Variants in PCOLCE observed in about 807,000 individuals in gnomAD.
The protein encoded by PCOLCE is procollagen C-endopeptidase enhancer 1.
In PCOLCE, 33 loss-of-function variants were observed where a neutral mutation model predicts 47.2. The observed-to-expected ratio is 0.70, with a 90% confidence interval of 0.53 to 0.93. The LOEUF is 0.93. Among genes scored for constraint, PCOLCE ranks in the 40% least tolerant of loss-of-function variants. The probability of loss-of-function intolerance (pLI) is 0.00; values close to 1 mark genes in which losing one functional copy is unlikely to be tolerated. For synonymous variants in PCOLCE, 254 were observed against 252.5 expected (o/e 1.01, Z -0.06); for missense variants, 584 against 585.3 (o/e 1.00, Z 0.02).
rs1364978728 is a variant in PCOLCE at position 100,606,553 on chromosome 7, G to A, written c.863G>A (p.Arg288Gln). ...GAAGGGCAAGGGCCCGGCCCCAAAC[G>A]GGGAACTGAGCCTAAAGTCAAGCTG... Reference protein sequence around the residue: ...AKEGQGPGPKRGTEPKVKLPP... With the variant: ...AKEGQGPGPKQGTEPKVKLPP... Residue 288 changes from arginine to glutamine, a missense_variant, in exon 6 of 9, where the codon CGG (arginine) becomes CAG (glutamine). Coordinates refer to ENST00000223061, the MANE Select transcript of PCOLCE (RefSeq NM_002593.4). 5.0e-6 allele frequency: 8 copies of A among 1,614,192 alleles called. No homozygotes were observed. The highest frequency in any genetic ancestry group is 1.1e-5 in the South Asian group (1 of 91,088).
In PCOLCE at chr7:100,606,442, T is replaced by A. The variant is rs750234727; in HGVS notation, c.752T>A (p.Leu251His). The change falls in exon 6 of 9, where the codon CTC becomes CAC. Residue 251 changes from leucine to histidine, a missense_variant. Physicochemically the swap from Leu to His is moderately conservative, Grantham distance 99. Coordinates refer to ENST00000223061, the MANE Select transcript of PCOLCE (RefSeq NM_002593.4). The part of the protein sequence containing the change: ...PGSISSEGNE[L>H]LVQFVSDLSV... ...TCCATCTCCTCCGAAGGGAATGAAC[T>A]CCTCGTCCAGTTCGTCTCAGATCTC... 1 of 1,613,974 alleles carries A rather than the reference T, an allele frequency of 6.2e-7. No homozygotes were observed. Among genetic ancestry groups the A allele is most frequent in the South Asian group, 1.1e-5 (1 of 91,078 alleles).
At chr7:100,602,657 C>T (rs1802631505) in intron 1 of PCOLCE, 106 bp downstream of exon 1, 1 of 731,622 alleles carries the variant, frequency 1.4e-6, no homozygotes, top group African/African-American at 1.7e-5. Context: ...ACACACCACT[C>T]CCCAGATTCC....
At chr7:100,602,857 T>A in intron 1 of PCOLCE, 1 of 443,048 alleles carries the variant, frequency 2.3e-6, no homozygotes, top group Non-Finnish European at 4.0e-6. Flanking sequence ...GCCTGGTAGC[T>A]GGATTCCAGG....
Position 100,605,841 on chromosome 7 carries a change from G to A in PCOLCE, c.725+29G>A. The stretch of plus-strand genomic sequence containing the variant: ...AGGGGCGGGACCTGGGCGAGTCCGG[G>A]AGAGAGTCGGCGGACCGCACGCACG... On this transcript the variant is annotated intron_variant, in intron 5 of 8. Coordinates refer to ENST00000223061, the MANE Select transcript of PCOLCE (RefSeq NM_002593.4). This position sits in a 1 kb window ranked among gnomAD's most constrained non-coding sequence, Gnocchi z 6.1. The A allele has an allele frequency of 6.5e-7, 1 of 1,545,362 alleles. No homozygotes were observed. Among genetic ancestry groups the A allele is most frequent in the Middle Eastern group, 1.7e-4 (1 of 5,910 alleles).
At chr7:100,606,735 G>A (rs1562827814) in intron 6 of PCOLCE, 105 bp downstream of exon 6, 3 of 815,446 alleles carry the variant, frequency 3.7e-6, no homozygotes, top group Non-Finnish European at 1.9e-6. Flanking sequence ...CATTTTGGGA[G>A]GTCCAGACAG....
chr7:100,606,373 G>A (rs769988161), intron 5 of PCOLCE, 43 bp from the exon 6 acceptor site: 96 of 1,442,336 alleles, frequency 6.7e-5, no homozygotes, highest in Non-Finnish European at 8.6e-5. Context: ...TGTGGTGCAC[G>A]CCCGCCCTGA....
chr7:100,602,390 G>A lies in PCOLCE; in HGVS notation c.-67G>A, dbSNP rs1334662891. The stretch of plus-strand genomic sequence containing the variant: ...TTATCCTGCTGCTGCCGCCACCGCT[G>A]CTGCTGCTCTGCAAAATTCAGCTGC... On this transcript the variant is annotated 5_prime_UTR_variant, in exon 1 of 9. Transcript: ENST00000223061. The A allele has an allele frequency of 1.4e-5, 15 of 1,055,246 alleles. 1 individual carries two copies. In the South Asian group the frequency reaches 1.9e-4, roughly 13 times the overall value. 65.4% of individuals were successfully genotyped at this position (1,055,246 alleles called of 1,614,324 possible). A position where few individuals can be genotyped will look rare whatever the true frequency, so the allele number is the denominator to read the frequency against.
At position 100,608,047 on chromosome 7, in the gene PCOLCE, C is replaced by G; in HGVS notation, c.1294C>G (p.Leu432Val). 1 of 1,614,098 alleles carries G rather than the reference C, an allele frequency of 6.2e-7. No homozygotes were observed. Among genetic ancestry groups the G allele is most frequent in the Non-Finnish European group, 8.5e-7 (1 of 1,180,028 alleles). Residue 432 changes from leucine to valine, a missense_variant, in exon 9 of 9, where the codon CTA becomes GTA. By Grantham distance (32) the Leu-to-Val change is conservative. Transcript: ENST00000223061. Reference protein sequence around the residue: ...RPNQDQILTNLSKRKCPSQPV... With the variant: ...RPNQDQILTNVSKRKCPSQPV... The stretch of plus-strand genomic sequence containing the variant: ...CAACCAGGACCAGATCCTCACCAAC[C>G]TAAGCAAGAGGAAGTGCCCCTCTCA...
In PCOLCE at chr7:100,606,407, C is replaced by A. The variant is rs1213837923; in HGVS notation, c.726-9C>A. On this transcript the variant is annotated splice_polypyrimidine_tract_variant and intron_variant, in intron 5 of 8. Transcript: ENST00000223061. ...GACACTTCCCCCAATGCTCGGTGGC[C>A]ACCTGCAGCTCCATCTCCTCCGAAG... The A allele has an allele frequency of 6.2e-7, 1 of 1,609,914 alleles. No individual in the cohort carries two copies. Among genetic ancestry groups the A allele is most frequent in the Non-Finnish European group, 8.5e-7 (1 of 1,176,562 alleles).
rs544716375 is a variant in PCOLCE at position 100,607,118 on chromosome 7, G to T, written c.941-334G>T. On this transcript the variant is annotated intron_variant, in intron 6 of 8. Transcript: ENST00000223061. Reference sequence around the variant, plus strand: ...AAAAAAAAAAAAAACTTAGCCAGGCGTGTGGTCATAGCTACTCCGGAGGCT... The same window carrying T: ...AAAAAAAAAAAAAACTTAGCCAGGCTTGTGGTCATAGCTACTCCGGAGGCT... Among the ~76,000 whole-genome samples, 4 of 136,328 alleles carry T rather than the reference G, an allele frequency of 2.9e-5. No individual in the cohort carries two copies. The South Asian group carries it at 9.2e-4, about 31-fold the overall frequency. 89.4% of individuals were successfully genotyped at this position (136,328 alleles called of 152,430 possible). A position where few individuals can be genotyped will look rare whatever the true frequency, so the allele number is the denominator to read the frequency against.
chr7:100,607,090 C>CAAAAAA (rs559618495), intron 6 of PCOLCE, among the ~76,000 whole-genome samples: 1 of 105,256 alleles, frequency 9.5e-6, no homozygotes, highest in African/African-American at 3.8e-5. Context: ...GATTCTGTCT[C>CAAAAAA]AAAAAAAAAA....
At chr7:100,602,956 G>A (rs1802638567) in intron 1 of PCOLCE, 2 of 284,338 alleles carry the variant, frequency 7.0e-6, no homozygotes, top group Admixed American at 5.2e-5. Flanking sequence ...AACAGGGGCA[G>A]GGCTAAGGTG....
chr7:100,606,165 C>G (rs1248109931), intron 5 of PCOLCE: 2 of 540,586 alleles, frequency 3.7e-6, no homozygotes, highest in Non-Finnish European at 6.6e-6. Flanking sequence ...CTTGTCTGTA[C>G]CAAAAATACA....
In PCOLCE at chr7:100,605,565, C is replaced by T; in HGVS notation, c.589-111C>T. 7.4e-7 allele frequency: 1 copy of T among 1,347,724 alleles called. No individual in the cohort carries two copies. The highest frequency in any genetic ancestry group is 1.0e-6 in the Non-Finnish European group (1 of 986,388). The allele number at this position is 1,347,724 out of a possible 1,614,324, so 83.5% of individuals were successfully genotyped here. A position where few individuals can be genotyped will look rare whatever the true frequency, so the allele number is the denominator to read the frequency against. ...TGTGAACGCCTTCAGGAGGGGGGCC[C>T]AGAGGACGCGGGAGGTGGGAGTGGG... On this transcript the variant is annotated intron_variant, in intron 4 of 8. Coordinates refer to ENST00000223061, the MANE Select transcript of PCOLCE (RefSeq NM_002593.4). The surrounding 1 kb of genome is among the most constrained non-coding windows in gnomAD (Gnocchi z 6.1).
chr7:100,606,213 C>T, intron 5 of PCOLCE: 1 of 570,286 alleles, frequency 1.8e-6, no homozygotes, highest in Non-Finnish European at 3.1e-6. Context: ...CCTGTAGTCC[C>T]AGCAACTTGC....
chr7:100,606,045 C>G, intron 5 of PCOLCE: 1 of 580,998 alleles, frequency 1.7e-6, no homozygotes, highest in Non-Finnish European at 3.0e-6. Flanking sequence ...AAAAGGCCAC[C>G]TGGCCAGGGG....
rs1483924228 is a variant in PCOLCE, at chr7:100,603,471, G to T, written c.137G>T (p.Gly46Val). 1 of 1,607,386 alleles carries T rather than the reference G, an allele frequency of 6.2e-7. No homozygotes were observed. Among genetic ancestry groups the T allele is most frequent in the Non-Finnish European group, 8.5e-7 (1 of 1,176,986 alleles). Residue 46 changes from glycine to valine, a missense_variant, in exon 2 of 9, where the codon GGT becomes GTT. Physicochemically the swap from Gly to Val is moderately radical, Grantham distance 109 (BLOSUM62 -3). Transcript: ENST00000223061. ...GGAGGGGATGTGAAGGGGGAATCAG[G>T]TTACGTGGCAAGTGAGGGGTTCCCC... ...LCGGDVKGES[G>V]YVASEGFPNL... is the part of the protein sequence containing the mutation.
rs1472760825 is a variant in PCOLCE at position 100,608,117 on chromosome 7, C to T, written c.*14C>T. 1 of 1,610,542 alleles carries T rather than the reference C, an allele frequency of 6.2e-7. No homozygotes were observed. Among genetic ancestry groups the T allele is most frequent in the Admixed American group, 1.7e-5 (1 of 59,560 alleles). On this transcript the variant is annotated 3_prime_UTR_variant, in exon 9 of 9. Transcript: ENST00000223061. ...TCCCAGGACTGAGACGCAGGCCAGCCCCGGCCCCTAGCCCTCAGGCCTTCT... is the reference window on the plus strand; with the variant it reads ...TCCCAGGACTGAGACGCAGGCCAGCTCCGGCCCCTAGCCCTCAGGCCTTCT...
chr7:100,602,474 AG>A lies in PCOLCE; in HGVS notation c.19del (p.Ala7ProfsTer35). 1.2e-6 allele frequency: 2 copies of A among 1,612,226 alleles called. No homozygotes were observed. The highest frequency in any genetic ancestry group is 1.7e-6 in the Non-Finnish European group (2 of 1,179,438). On this transcript the variant is annotated frameshift_variant, in exon 1 of 9. Transcript: ENST00000223061. LOFTEE classifies it high-confidence loss of function. MLPAATASLLGPLLTAC... is the reference protein window; with the variant it reads MLPAATXSLLGPLLTAC... ...CCGGGGCCATGCTGCCTGCAGCCAC[AG>A]CCTCCCTCCTGGGGCCCCTCCTCAC... is the stretch of plus-strand genomic sequence containing the variant.
Sources: gnomAD v4.1 joint callset for allele counts (sites outside exome capture counted in the v4.1 genomes callset) on GRCh38, gnomAD v4.1.1 for gene constraint, Gnocchi (gnomAD v3.1) non-coding constraint, MANE v1.5 for transcripts, NCBI Gene and HGNC (gene_info 2026-07-23, HGNC 2026-07-21) for gene names.